The following VRTN variants were observed in gnomAD, a reference collection of about 807,000 sequenced individuals.
The protein encoded by VRTN is vertnin.
Under a neutral mutation model 18.2 loss-of-function variants are expected in VRTN, and 5 were observed. The ratio of observed to expected loss-of-function variants is 0.27; its 90% confidence interval spans 0.14 to 0.58. The LOEUF is 0.58. VRTN is among the 20% of genes least tolerant of loss of function. The pLI is 0.91. For synonymous variants in VRTN, 381 were observed against 393.7 expected (o/e 0.97, Z 0.38); for missense variants, 741 against 939.4 (o/e 0.79, Z 2.76).
At chr14:74,324,143 CT>C (rs58625748) in intron 1 of VRTN, among the ~76,000 whole-genome samples, 5,099 of 152,138 alleles carry the variant, frequency 0.034, 151 homozygotes, top group African/African-American at 0.075. Flanking sequence ...AATCCCAGCA[CT>C]TTGAGAGGCC....
chr14:74,358,463 G>T lies in VRTN; in HGVS notation c.1680G>T (p.Val560=), dbSNP rs775655870. Residue 560 remains valine (V), a synonymous_variant, in exon 2 of 2, where the codon GTG becomes GTT. Transcript: ENST00000256362. This position sits in a 1 kb window ranked among gnomAD's most constrained non-coding sequence, Gnocchi z 5.4. ...GWPRGLSKLQ[V]PVPTLGKGGQ... is the part of the protein sequence containing the mutation. ...CCAGAGGCCTGTCCAAACTTCAGGT[G>T]CCGGTCCCCACCTTGGGCAAAGGGG... 3.1e-6 allele frequency: 5 copies of T among 1,614,072 alleles called. No individual in the cohort carries two copies. The highest frequency in any genetic ancestry group is 2.2e-5 in the East Asian group (1 of 44,898).
intron 1 of VRTN, among the ~76,000 whole-genome samples, chr14:74,304,143 T>A (rs1053306123): frequency 6.6e-6 from 1 of 151,480 alleles, no homozygotes; most frequent in Non-Finnish European, 1.5e-5. Flanking sequence ...GAGCCACCGC[T>A]CCTGGCCTTT....
intron 1 of VRTN, among the ~76,000 whole-genome samples, chr14:74,312,754 G>GTT (rs57025624): frequency 0.067 from 8,742 of 130,250 alleles, 817 homozygotes; most frequent in African/African-American, 0.2. Context: ...CCTGGCCTGT[G>GTT]TTTTTTTTTT....
intron 1 of VRTN, among the ~76,000 whole-genome samples, chr14:74,320,947 G>T (rs2085452440): frequency 1.3e-5 from 2 of 149,814 alleles, no homozygotes; most frequent in South Asian, 4.3e-4. Context: ...AGCAGCAAGG[G>T]TGGATCAACT....
chr14:74,358,796 C>T lies in VRTN; in HGVS notation c.2013C>T (p.Tyr671=), dbSNP rs761383591. 5 of 1,614,112 alleles carry T rather than the reference C, an allele frequency of 3.1e-6. No homozygotes were observed. The African/African-American group carries it at 5.3e-5, about 17-fold the overall frequency. The change falls in exon 2 of 2, where the codon TAC becomes TAT. Residue 671 remains tyrosine (Y), a synonymous_variant. Transcript: ENST00000256362. The surrounding 1 kb of genome is among the most constrained non-coding windows in gnomAD (Gnocchi z 5.4). ...KRFQSKSFPS[Y]KEFSALFPLT... ...TCCAGTCCAAGAGCTTTCCCTCCTA[C>T]AAGGAGTTCAGTGCCCTCTTTCCCC...
intron 1 of VRTN, among the ~76,000 whole-genome samples, chr14:74,356,387 T>C (rs1336029410): frequency 3.3e-5 from 5 of 152,174 alleles, no homozygotes; most frequent in Non-Finnish European, 5.9e-5. Flanking sequence ...TTTCACCATG[T>C]TGGCCAGGCT....
upstream of VRTN, among the ~76,000 whole-genome samples, chr14:74,346,811 T>A: frequency 6.6e-6 from 1 of 152,222 alleles, no homozygotes; most frequent in Admixed American, 6.5e-5. Context: ...ACCTTTTTGT[T>A]TTTTCACTAC....
chr14:74,327,579 G>C (rs1216624217), intron 1 of VRTN, among the ~76,000 whole-genome samples: 1 of 152,136 alleles, frequency 6.6e-6, no homozygotes, highest in Non-Finnish European at 1.5e-5. Context: ...ACCTTCCCTT[G>C]GTGAGAAGCC....
chr14:74,327,710 T>TTTATTATTA (rs1555410821), intron 1 of VRTN, among the ~76,000 whole-genome samples: 1 of 150,994 alleles, frequency 6.6e-6, no homozygotes, highest in African/African-American at 2.5e-5. Flanking sequence ...TTGATTTTAT[T>TTTATTATTA]TTATTATTAT....
At chr14:74,335,992 C>T (rs1410346251) in intron 1 of VRTN, among the ~76,000 whole-genome samples, 1 of 151,644 alleles carries the variant, frequency 6.6e-6, no homozygotes, top group Non-Finnish European at 1.5e-5. Flanking sequence ...CTGCCTGCCT[C>T]GGCTTCTCAA....
At chr14:74,349,098 C>T (rs2085665785) in intron 1 of VRTN, among the ~76,000 whole-genome samples, 1 of 152,216 alleles carries the variant, frequency 6.6e-6, no homozygotes, top group South Asian at 2.1e-4. Context: ...ACTCTTCCTC[C>T]CTTCCAAACA....
intron 2 of VRTN, among the ~76,000 whole-genome samples, chr14:74,338,316 C>T (rs748120096): frequency 1.3e-5 from 2 of 152,136 alleles, no homozygotes; most frequent in Admixed American, 6.6e-5. Context: ...CAGCATCAGC[C>T]TGACAGCCCT....
At chr14:74,335,324 T>C (rs2085556634) in intron 1 of VRTN, among the ~76,000 whole-genome samples, 1 of 152,084 alleles carries the variant, frequency 6.6e-6, no homozygotes, top group African/African-American at 2.4e-5. Flanking sequence ...AGCAGACACA[T>C]CCAATAACCC....
At chr14:74,319,860 A>T (rs2085441910) in intron 1 of VRTN, among the ~76,000 whole-genome samples, 1 of 152,184 alleles carries the variant, frequency 6.6e-6, no homozygotes, top group South Asian at 2.1e-4. Flanking sequence ...CTAGTAGTAA[A>T]GAGCCAGCAA....
chr14:74,336,106 A>G (rs1443254540), intron 1 of VRTN, among the ~76,000 whole-genome samples: 1 of 150,690 alleles, frequency 6.6e-6, no homozygotes, highest in African/African-American at 2.4e-5. Flanking sequence ...ACAAAACTGA[A>G]GTGTGCAAAG....
chr14:74,329,209 AG>A (rs2085506142), intron 1 of VRTN, among the ~76,000 whole-genome samples: 1 of 151,376 alleles, frequency 6.6e-6, no homozygotes, highest in Admixed American at 6.6e-5. Context: ...CAGGAGGCGA[AG>A]GTTGCAGTGA....
chr14:74,327,346 G>A (rs2085494482), intron 1 of VRTN, among the ~76,000 whole-genome samples: 1 of 152,084 alleles, frequency 6.6e-6, no homozygotes. Flanking sequence ...GACCAACTGG[G>A]TAACTCTTCC....
chr14:74,326,231 C>G (rs538926453), intron 1 of VRTN, among the ~76,000 whole-genome samples: 15 of 152,148 alleles, frequency 9.9e-5, no homozygotes, highest in African/African-American at 3.6e-4. Flanking sequence ...CTGTGAGCCC[C>G]AAGCAGCCAA....
intron 1 of VRTN, 34 bp from the exon 2 acceptor site, chr14:74,356,749 C>T: frequency 6.5e-7 from 1 of 1,540,848 alleles, no homozygotes; most frequent in Non-Finnish European, 8.7e-7. Flanking sequence ...GCACTTCGAC[C>T]TGACTACTGC....
Sources: gnomAD v4.1 joint callset for allele counts (sites outside exome capture counted in the v4.1 genomes callset) on GRCh38, gnomAD v4.1.1 for gene constraint, Gnocchi (gnomAD v3.1) non-coding constraint, MANE v1.5 for transcripts, NCBI Gene and HGNC (gene_info 2026-07-23, HGNC 2026-07-21) for gene names.